CAMTA1: variants seen among roughly 807,000 people sequenced by gnomAD.
The protein encoded by CAMTA1 is calmodulin binding transcription activator 1, also known as calmodulin-binding transcription activator 1.
Under a neutral mutation model 170.9 loss-of-function variants are expected in CAMTA1, and 27 were observed. That is an observed-to-expected ratio of 0.16 (90% CI 0.12 to 0.22). The LOEUF (loss-of-function observed/expected upper bound fraction) is 0.22. CAMTA1 is among the 10% of genes least tolerant of loss of function. The pLI is 1.00. For synonymous variants in CAMTA1, 833 were observed against 891.5 expected (o/e 0.93, Z 1.17); for missense variants, 1,619 against 2,217.2 (o/e 0.73, Z 5.42).
At chr1:6,923,670 G>A (rs181817096) in intron 3 of CAMTA1, among the ~76,000 whole-genome samples, 2 of 152,260 alleles carry the variant, frequency 1.3e-5, no homozygotes, top group Admixed American at 6.5e-5. Flanking sequence ...AGCTGGGGGT[G>A]TTGGGGTCAG....
intron 5 of CAMTA1, among the ~76,000 whole-genome samples, chr1:7,464,241 C>T (rs781574403): frequency 6.6e-6 from 1 of 152,164 alleles, no homozygotes; most frequent in Admixed American, 6.5e-5. Flanking sequence ...CACACTCCCA[C>T]ACGCGTGTGC....
chr1:7,317,650 G>T (rs1035231046), intron 5 of CAMTA1, among the ~76,000 whole-genome samples: 1 of 152,222 alleles, frequency 6.6e-6, no homozygotes, highest in African/African-American at 2.4e-5. Context: ...CACAGGCCTG[G>T]AAGCGGTTGA....
At chr1:6,786,956 A>G (rs1423847616) in intron 1 of CAMTA1, among the ~76,000 whole-genome samples, 4 of 151,988 alleles carry the variant, frequency 2.6e-5, no homozygotes, top group African/African-American at 9.7e-5. Flanking sequence ...AGTTGACACT[A>G]CCTCACTGGG....
intron 4 of CAMTA1, among the ~76,000 whole-genome samples, chr1:7,228,313 C>T (rs1662072108): frequency 6.6e-6 from 1 of 152,182 alleles, no homozygotes; most frequent in African/African-American, 2.4e-5. Flanking sequence ...TTCAAGAACT[C>T]CGGACTCAGC....
intron 11 of CAMTA1, among the ~76,000 whole-genome samples, chr1:7,712,772 T>G (rs182635530): frequency 6.6e-6 from 1 of 152,240 alleles, no homozygotes; most frequent in East Asian, 1.9e-4. Context: ...AAAAAGAGGT[T>G]TAATGGACTC....
At position 7,063,361 on chromosome 1, in the gene CAMTA1, C is replaced by T. The variant is rs1019273368; in HGVS notation, c.235-27943C>T. Reference sequence around the variant, plus strand: ...TCCCAGAGGGAGGTGTCATCTGCAGCGCTTTGCTTACCCGTTTGACCACGA... The same window carrying T: ...TCCCAGAGGGAGGTGTCATCTGCAGTGCTTTGCTTACCCGTTTGACCACGA... On this transcript the variant is annotated intron_variant, in intron 3 of 22. Transcript: ENST00000303635. The surrounding 1 kb of genome is among the most constrained non-coding windows in gnomAD (Gnocchi z 4.3). 6.6e-6 allele frequency among the ~76,000 whole-genome samples: 1 copy of T among 152,198 alleles called. No individual in the cohort carries two copies. Among genetic ancestry groups the T allele is most frequent in the Middle Eastern group, 3.2e-3 (1 of 316 alleles).
rs1285580513 is a variant in CAMTA1 at position 7,498,968 on chromosome 1, TGTGA to T, written c.510+31070_510+31073del. On this transcript the variant is annotated intron_variant, in intron 6 of 22. Transcript: ENST00000303635. ...GTCCATGAGTGTGTAGAGAGGATTGTGTGAGTCTGGTGTGCGTGTGTATGTATAT... is the reference window on the plus strand; with the variant it reads ...GTCCATGAGTGTGTAGAGAGGATTGTGTCTGGTGTGCGTGTGTATGTATAT... Among the ~76,000 whole-genome samples, 235 of 139,172 alleles carry T rather than the reference TGTGA, an allele frequency of 1.7e-3. 1 individual carries two copies. The highest frequency in any genetic ancestry group is 6.2e-3 in the African/African-American group (222 of 35,898). The allele number at this position is 139,172 out of a possible 152,430, so 91.3% of individuals were successfully genotyped here.
chr1:7,186,467 C>T (rs1243300604), intron 4 of CAMTA1, among the ~76,000 whole-genome samples: 2 of 152,138 alleles, frequency 1.3e-5, no homozygotes, highest in South Asian at 4.1e-4. Context: ...ATGTGTGATG[C>T]TGGCTCTGAG....
intron 5 of CAMTA1, among the ~76,000 whole-genome samples, chr1:7,268,801 A>T (rs991956845): frequency 6.6e-6 from 1 of 152,226 alleles, no homozygotes; most frequent in Non-Finnish European, 1.5e-5. Flanking sequence ...TATGACCTAT[A>T]TCCAGGAGAG....
chr1:7,358,822 G>A (rs981781968), intron 5 of CAMTA1, among the ~76,000 whole-genome samples: 2 of 152,168 alleles, frequency 1.3e-5, no homozygotes, highest in African/African-American at 4.8e-5. Context: ...TCCTTGCTGT[G>A]GAATGTGTTG....
At chr1:7,038,172 A>G (rs892288945) in intron 3 of CAMTA1, among the ~76,000 whole-genome samples, 7 of 152,216 alleles carry the variant, frequency 4.6e-5, no homozygotes, top group Non-Finnish European at 1.0e-4. Flanking sequence ...TTATTATTAT[A>G]TATTAAAAGT....
At chr1:6,816,970 G>A (rs929482080) in intron 1 of CAMTA1, among the ~76,000 whole-genome samples, 1 of 152,160 alleles carries the variant, frequency 6.6e-6, no homozygotes. Context: ...CTTGATTTCA[G>A]TTTTAACTTT....
chr1:7,148,185 G>A (rs1646346746), intron 4 of CAMTA1, among the ~76,000 whole-genome samples: 1 of 142,414 alleles, frequency 7.0e-6, no homozygotes, highest in South Asian at 2.3e-4. Flanking sequence ...GCACACACAT[G>A]CTCACATATG....
rs2149380899 is a variant in CAMTA1 at position 7,435,629 on chromosome 1, G to A, written c.439-32201G>A. ...AAGTCCCCCAGCTTTGGCGGAATCA[G>A]CGCCTCAGAAAGAACCAGGCAGCCT... On this transcript the variant is annotated intron_variant, in intron 5 of 22. Coordinates refer to ENST00000303635, the MANE Select transcript of CAMTA1 (RefSeq NM_015215.4). The surrounding 1 kb of genome is among the most constrained non-coding windows in gnomAD (Gnocchi z 4.4). 6.6e-6 allele frequency among the ~76,000 whole-genome samples: 1 copy of A among 152,344 alleles called. No homozygotes were observed. Among genetic ancestry groups the A allele is most frequent in the East Asian group, 1.9e-4 (1 of 5,178 alleles).
rs141463778 is a variant in CAMTA1, at chr1:7,676,457, G to A, written c.2780-1142G>A. On this transcript the variant is annotated intron_variant, in intron 10 of 22. Transcript: ENST00000303635. The stretch of plus-strand genomic sequence containing the variant: ...CCACCCAGGATGGACAGCGGCCACC[G>A]GTCAATGAGCTGGTTTTCCCATCGG... Among the ~76,000 whole-genome samples the A allele has an allele frequency of 9.2e-5, 14 of 152,350 alleles. 2 individuals are homozygous for A. In the East Asian group the frequency reaches 2.5e-3, roughly 27 times the overall value.
At chr1:7,346,391 G>A (rs1202973150) in intron 5 of CAMTA1, among the ~76,000 whole-genome samples, 3 of 152,168 alleles carry the variant, frequency 2.0e-5, no homozygotes, top group South Asian at 4.1e-4. Context: ...GAAGGCATTC[G>A]ATGACTCTGA....
Position 7,276,303 on chromosome 1 carries a change from A to ATATATTTTTTTTTTTTTT in CAMTA1, c.438+26678_438+26679insATATTTTTTTTTTTTTTT. ...CATATATATATATATATATATATAT[A>ATATATTTTTTTTTTTTTT]TTTTTTTTTTTTTTTTTTCTTTTTG... On this transcript the variant is annotated intron_variant, in intron 5 of 22. Transcript: ENST00000303635. 8.3e-4 allele frequency among the ~76,000 whole-genome samples: 20 copies of ATATATTTTTTTTTTTTTT among 24,216 alleles called. No homozygotes were observed. The East Asian group carries it at 0.015, about 19-fold the overall frequency. 15.9% of individuals were successfully genotyped at this position (24,216 alleles called of 152,430 possible).
Position 7,248,151 on chromosome 1 carries a change from T to C in CAMTA1, c.303-1340T>C, listed in dbSNP as rs6688159. On this transcript the variant is annotated intron_variant, in intron 4 of 22. Coordinates refer to ENST00000303635, the MANE Select transcript of CAMTA1 (RefSeq NM_015215.4). This position sits in a 1 kb window ranked among gnomAD's most constrained non-coding sequence, Gnocchi z 4.0. ...CTGCAGTCACCCTGGTGGGACTGTT[T>C]TTTTCCCCCCAGACAATAGAATATG... Among the ~76,000 whole-genome samples the C allele has an allele frequency of 2.6e-5, 4 of 152,056 alleles. No homozygotes were observed. Among genetic ancestry groups the C allele is most frequent in the Non-Finnish European group, 5.9e-5 (4 of 67,996 alleles).
chr1:7,169,549 G>A (rs1649181422), intron 4 of CAMTA1, among the ~76,000 whole-genome samples: 1 of 152,016 alleles, frequency 6.6e-6, no homozygotes, highest in Non-Finnish European at 1.5e-5. Context: ...GCTCATGCCA[G>A]GCTGGAGTGC....
Sources: allele counts gnomAD v4.1 joint callset (sites outside exome capture counted in the v4.1 genomes callset), GRCh38; gene constraint gnomAD v4.1.1; non-coding constraint Gnocchi (gnomAD v3.1); transcripts MANE v1.5; gene names NCBI Gene and HGNC (gene_info 2026-07-23, HGNC 2026-07-21).